CSMD1: variants seen among roughly 807,000 people sequenced by gnomAD.
CSMD1 encodes the protein CUB and sushi domain-containing protein 1.
In CSMD1, 213 loss-of-function variants were observed where a neutral mutation model predicts 417.5. The observed-to-expected ratio is 0.51, with a 90% CI of 0.46 to 0.57. CSMD1 has a LOEUF of 0.57. Among genes scored for constraint, CSMD1 ranks in the 20% least tolerant of loss-of-function variants. CSMD1 has a pLI of 0.00. For missense variants in CSMD1, 6,923 were observed against 4,529.7 expected, an observed-to-expected ratio of 1.53 and a Z score of -15.17; for synonymous variants, 2,862 against 1,736.8, an observed-to-expected ratio of 1.65 and a Z score of -16.11.
At chr8:3,840,676 C>G (rs551605785) in intron 5 of CSMD1, among the ~76,000 whole-genome samples, 3 of 149,976 alleles carry the variant, frequency 2.0e-5, no homozygotes, top group South Asian at 4.2e-4. Context: ...ATACAGTGAC[C>G]TCAATTCTTT....
chr8:4,276,223 A>C (rs1796477723), intron 3 of CSMD1, among the ~76,000 whole-genome samples: 1 of 152,214 alleles, frequency 6.6e-6, no homozygotes, highest in Non-Finnish European at 1.5e-5. Flanking sequence ...AACTAACGCA[A>C]ATGCCCATCA....
intron 11 of CSMD1, among the ~76,000 whole-genome samples, chr8:3,492,416 G>A (rs1188807999): frequency 1.3e-5 from 2 of 152,142 alleles, no homozygotes; most frequent in East Asian, 3.9e-4. Flanking sequence ...TAGTATATAA[G>A]TAGACAAAGA....
chr8:3,508,699 A>G (rs1796937846), intron 10 of CSMD1, among the ~76,000 whole-genome samples: 1 of 152,098 alleles, frequency 6.6e-6, no homozygotes, highest in Non-Finnish European at 1.5e-5. Flanking sequence ...ATTTTCTGCG[A>G]GTTTTATGTC....
intron 4 of CSMD1, among the ~76,000 whole-genome samples, chr8:4,017,382 T>C (rs781714614): frequency 6.6e-6 from 1 of 152,178 alleles, no homozygotes; most frequent in South Asian, 2.1e-4. Context: ...CTTGGCTCAC[T>C]ACAACCTCCG....
At chr8:4,600,024 C>T (rs909442726) in intron 2 of CSMD1, among the ~76,000 whole-genome samples, 14 of 152,208 alleles carry the variant, frequency 9.2e-5, no homozygotes, top group Middle Eastern at 3.4e-3. Flanking sequence ...GGTTGGTTAC[C>T]GCAGAACAGA....
At chr8:4,193,877 C>T (rs748233494) in intron 3 of CSMD1, among the ~76,000 whole-genome samples, 2 of 151,974 alleles carry the variant, frequency 1.3e-5, no homozygotes, top group East Asian at 3.9e-4. Context: ...GAAGCCTCAG[C>T]AGAACTGGCC....
intron 5 of CSMD1, among the ~76,000 whole-genome samples, chr8:3,809,763 G>T (rs1313828837): frequency 6.6e-6 from 1 of 152,140 alleles, no homozygotes; most frequent in Non-Finnish European, 1.5e-5. Context: ...TGAGACAACA[G>T]GAAAGTATTA....
intron 2 of CSMD1, among the ~76,000 whole-genome samples, chr8:4,565,563 T>C (rs957749596): frequency 2.6e-5 from 4 of 151,794 alleles, no homozygotes; most frequent in Admixed American, 2.6e-4. Context: ...GGTGAAACCC[T>C]GTCTCTACAA....
rs111636102 is a variant in CSMD1, at chr8:3,177,163, G to A, written c.5725+3947C>T. ...GTGAAGCAAAACAATGGGGAAAGGC[G>A]ACCAGAAAAGAATCATCAGCTTAAT... is the stretch of plus-strand genomic sequence containing the variant. On this transcript the variant is annotated intron_variant, in intron 37 of 69. Coordinates refer to ENST00000635120, the MANE Select transcript of CSMD1 (RefSeq NM_033225.6). 3.0e-3 allele frequency among the ~76,000 whole-genome samples: 450 copies of A among 152,256 alleles called. 5 individuals carry two copies. The highest frequency in any genetic ancestry group is 9.9e-3 in the African/African-American group (413 of 41,552).
chr8:4,535,442 G>A (rs17070507), intron 2 of CSMD1, among the ~76,000 whole-genome samples: 4 of 152,036 alleles, frequency 2.6e-5, no homozygotes, highest in African/African-American at 9.6e-5. Flanking sequence ...TTGTAGATTT[G>A]CTTTGCAATC....
chr8:4,707,708 C>A (rs1363728777), intron 1 of CSMD1, among the ~76,000 whole-genome samples: 1 of 151,594 alleles, frequency 6.6e-6, no homozygotes, highest in Non-Finnish European at 1.5e-5. Context: ...CCAACATGGT[C>A]AAACCCCATC....
intron 18 of CSMD1, among the ~76,000 whole-genome samples, chr8:3,381,749 C>A (rs1473846271): frequency 6.6e-6 from 1 of 151,868 alleles, no homozygotes; most frequent in African/African-American, 2.4e-5. Flanking sequence ...CAAATAATAC[C>A]AAAAAATGTA....
chr8:3,937,817 A>G (rs2129726679), intron 5 of CSMD1, among the ~76,000 whole-genome samples: 1 of 152,294 alleles, frequency 6.6e-6, no homozygotes. Context: ...TACTGCTTAC[A>G]CAGGAAATTT....
chr8:4,698,519 G>C (rs1391508213), intron 1 of CSMD1, among the ~76,000 whole-genome samples: 3 of 151,902 alleles, frequency 2.0e-5, no homozygotes, highest in Non-Finnish European at 4.4e-5. Context: ...GCCTAAAGAA[G>C]TCCACCTACA....
intron 5 of CSMD1, among the ~76,000 whole-genome samples, chr8:3,935,567 C>G (rs11784570): frequency 0.31 from 46,641 of 151,926 alleles, 7,140 homozygotes; most frequent in Non-Finnish European, 0.32. Context: ...TATGATTGTA[C>G]TTGCTATGGT....
intron 1 of CSMD1, among the ~76,000 whole-genome samples, chr8:4,983,788 C>T (rs1015074441): frequency 2.0e-5 from 3 of 151,754 alleles, no homozygotes; most frequent in African/African-American, 7.3e-5. Context: ...AATTTTTAAA[C>T]ATAGTAACTG....
chr8:3,263,358 C>T (rs1585846820), intron 26 of CSMD1, among the ~76,000 whole-genome samples: 2 of 152,190 alleles, frequency 1.3e-5, no homozygotes, highest in Non-Finnish European at 2.9e-5. Flanking sequence ...CTTGACCTGC[C>T]AAAGTGCTGG....
At chr8:3,193,699 C>G (rs942060108) in intron 33 of CSMD1, among the ~76,000 whole-genome samples, 1 of 152,150 alleles carries the variant, frequency 6.6e-6, no homozygotes, top group Admixed American at 6.6e-5. Context: ...GGGTGATCAA[C>G]AAAATGATTG....
chr8:4,963,791 T>C (rs1005727657), intron 1 of CSMD1, among the ~76,000 whole-genome samples: 1 of 152,174 alleles, frequency 6.6e-6, no homozygotes, highest in African/African-American at 2.4e-5. Context: ...AACGTCAAAA[T>C]GGTAAGCAAT....
Sources: allele counts gnomAD v4.1 joint callset (sites outside exome capture counted in the v4.1 genomes callset), GRCh38; gene constraint gnomAD v4.1.1; transcripts MANE v1.5; gene names NCBI Gene and HGNC (gene_info 2026-07-23, HGNC 2026-07-21).